PRKD1: variants seen among roughly 807,000 people sequenced by gnomAD.
PRKD1 encodes the protein protein kinase D1, also known as serine/threonine-protein kinase D1.
In PRKD1, 63 loss-of-function variants were observed where a neutral mutation model predicts 95.9. The observed-to-expected ratio is 0.66, with a 90% confidence interval of 0.54 to 0.81. The LOEUF (loss-of-function observed/expected upper bound fraction) is 0.81, where lower values mean the gene tolerates loss of function less well. Ranked by LOEUF, PRKD1 falls within the 30% of genes least tolerant of loss-of-function variation. The probability of loss-of-function intolerance (pLI) is 0.00; values close to 1 mark genes in which losing one functional copy is unlikely to be tolerated. For synonymous variants in PRKD1, 425 were observed against 423.1 expected (o/e 1.00, Z -0.05); for missense variants, 1,048 against 1,165.3 (o/e 0.90, Z 1.47).
intron 4 of PRKD1, among the ~76,000 whole-genome samples, chr14:29,639,314 G>A (rs1427469616): frequency 1.3e-5 from 2 of 152,162 alleles, no homozygotes; most frequent in African/African-American, 2.4e-5. Context: ...AAAATGAAAA[G>A]TAAATGCCTC....
intron 1 of PRKD1, among the ~76,000 whole-genome samples, chr14:29,799,197 G>A (rs1889929686): frequency 6.6e-6 from 1 of 152,174 alleles, no homozygotes; most frequent in Non-Finnish European, 1.5e-5. Flanking sequence ...ATTTCAATAT[G>A]ACAAAAGTCA....
At chr14:29,686,026 G>A (rs578205120) in intron 2 of PRKD1, among the ~76,000 whole-genome samples, 22 of 152,190 alleles carry the variant, frequency 1.4e-4, no homozygotes, top group African/African-American at 5.3e-4. Flanking sequence ...GTATTATAAG[G>A]GGGGAAGACA....
At chr14:29,620,731 C>G (rs1467119083) in intron 13 of PRKD1, among the ~76,000 whole-genome samples, 1 of 152,122 alleles carries the variant, frequency 6.6e-6, no homozygotes, top group Non-Finnish European at 1.5e-5. Flanking sequence ...GTTGGTGGGA[C>G]TGTAAACTAG....
intron 2 of PRKD1, among the ~76,000 whole-genome samples, chr14:29,723,186 A>C (rs941011694): frequency 4.6e-5 from 7 of 152,228 alleles, no homozygotes; most frequent in African/African-American, 1.7e-4. Context: ...AAAATTAGGA[A>C]TCTGACAACA....
At chr14:29,618,061 C>T (rs1028345973) in intron 13 of PRKD1, among the ~76,000 whole-genome samples, 3 of 152,126 alleles carry the variant, frequency 2.0e-5, no homozygotes, top group South Asian at 2.1e-4. Context: ...AGTAAGACCC[C>T]TTCTCCCAAA....
intron 1 of PRKD1, among the ~76,000 whole-genome samples, chr14:29,759,411 C>T (rs1187946637): frequency 6.6e-6 from 1 of 152,150 alleles, no homozygotes; most frequent in Non-Finnish European, 1.5e-5. Context: ...TGAAAGTAAG[C>T]TCACTCATTA....
intron 1 of PRKD1, among the ~76,000 whole-genome samples, chr14:29,804,231 A>G (rs1890144067): frequency 7.0e-6 from 1 of 142,252 alleles, no homozygotes; most frequent in Non-Finnish European, 1.5e-5. Context: ...AACAAGAACG[A>G]AACTAAAAAA....
chr14:29,782,715 CT>C (rs201827661), intron 1 of PRKD1, among the ~76,000 whole-genome samples: 1 of 150,218 alleles, frequency 6.7e-6, no homozygotes, highest in South Asian at 2.1e-4. Context: ...AATTTTTTTT[CT>C]TTTTTTTTGG....
chr14:29,918,847 A>C (rs1179097924), intron 1 of PRKD1, among the ~76,000 whole-genome samples: 1 of 152,232 alleles, frequency 6.6e-6, no homozygotes, highest in African/African-American at 2.4e-5. Flanking sequence ...TCAGGTTGAG[A>C]GAATCACCTA....
intron 1 of PRKD1, among the ~76,000 whole-genome samples, chr14:29,843,580 A>AT (rs1405865338): frequency 6.6e-6 from 1 of 152,196 alleles, no homozygotes; most frequent in Non-Finnish European, 1.5e-5. Flanking sequence ...CTAGTCAAAC[A>AT]TTTTTATGCA....
intron 2 of PRKD1, among the ~76,000 whole-genome samples, chr14:29,682,925 T>C (rs1883616093): frequency 6.6e-6 from 1 of 152,172 alleles, no homozygotes; most frequent in South Asian, 2.1e-4. Context: ...GTTAACAGAA[T>C]GACCAAAGGA....
chr14:29,856,381 C>T (rs1055473034), intron 1 of PRKD1, among the ~76,000 whole-genome samples: 2 of 152,100 alleles, frequency 1.3e-5, no homozygotes, highest in African/African-American at 4.8e-5. Context: ...ACTGATTGTA[C>T]AACCACAACC....
intron 1 of PRKD1, among the ~76,000 whole-genome samples, chr14:29,803,354 G>A (rs993671542): frequency 6.6e-5 from 10 of 152,154 alleles, no homozygotes; most frequent in Non-Finnish European, 1.2e-4. Flanking sequence ...TGACCATTTT[G>A]GGGAATTTTA....
intron 1 of PRKD1, among the ~76,000 whole-genome samples, chr14:29,887,788 T>C (rs1594604573): frequency 1.3e-5 from 2 of 152,218 alleles, no homozygotes; most frequent in East Asian, 3.9e-4. Context: ...TGTACAGTTA[T>C]AGCCTAGGAG....
chr14:29,694,503 T>C (rs1358554570), intron 2 of PRKD1, among the ~76,000 whole-genome samples: 1 of 152,238 alleles, frequency 6.6e-6, no homozygotes, highest in Non-Finnish European at 1.5e-5. Flanking sequence ...TTACTGATCA[T>C]CTACTATGTT....
chr14:29,926,850 G>C (rs1267390871), intron 1 of PRKD1, among the ~76,000 whole-genome samples: 1 of 152,034 alleles, frequency 6.6e-6, no homozygotes, highest in Admixed American at 6.5e-5. Flanking sequence ...TCTGGTGCAG[G>C]AAGGAGGATT....
chr14:29,714,393 C>T (rs1251164510), intron 2 of PRKD1, among the ~76,000 whole-genome samples: 2 of 152,120 alleles, frequency 1.3e-5, no homozygotes, highest in African/African-American at 2.4e-5. Context: ...AAATGCAAAT[C>T]AAAACCACAA....
At chr14:29,689,546 T>C (rs546995243) in intron 2 of PRKD1, among the ~76,000 whole-genome samples, 11 of 152,290 alleles carry the variant, frequency 7.2e-5, no homozygotes, top group African/African-American at 2.6e-4. Flanking sequence ...AGTTCAGCCA[T>C]TATGGAAGAC....
chr14:29,850,329 CTGGAACTGA>C (rs1429213961), intron 1 of PRKD1, among the ~76,000 whole-genome samples: 1 of 152,104 alleles, frequency 6.6e-6, no homozygotes, highest in Non-Finnish European at 1.5e-5. Context: ...CAAAAGGCTT[CTGGAACTGA>C]TAAATGACTT....
Sources: allele counts gnomAD v4.1 joint callset (sites outside exome capture counted in the v4.1 genomes callset), GRCh38; gene constraint gnomAD v4.1.1; transcripts MANE v1.5; gene names NCBI Gene and HGNC (gene_info 2026-07-23, HGNC 2026-07-21).